EML4: variants seen among roughly 807,000 people sequenced by gnomAD.
EML4 encodes echinoderm microtubule-associated protein-like 4.
EML4 carries 72 observed loss-of-function variants against 129.0 expected under a neutral mutation model. That is an observed-to-expected ratio of 0.56 (90% CI 0.46 to 0.68). EML4 has a LOEUF of 0.68. Ranked by LOEUF, EML4 falls within the 30% of genes least tolerant of loss-of-function variation. The probability of loss-of-function intolerance (pLI) is 0.00; values close to 1 mark genes in which losing one functional copy is unlikely to be tolerated. For synonymous variants in EML4, 532 were observed against 405.0 expected (o/e 1.31, Z -3.77); for missense variants, 1,363 against 1,190.6 (o/e 1.14, Z -2.13).
intron 1 of EML4, 131 bp from the exon 2 acceptor site, chr2:42,245,374 G>C (rs564457348): frequency 2.5e-6 from 2 of 790,562 alleles, no homozygotes; most frequent in South Asian, 3.7e-5. Flanking sequence ...GGAAGTACAG[G>C]CACGAGCCAC....
At chr2:42,249,808 T>A (rs1381109605) in intron 2 of EML4, among the ~76,000 whole-genome samples, 3 of 152,210 alleles carry the variant, frequency 2.0e-5, no homozygotes. Flanking sequence ...CCCATGAGTT[T>A]TTAAGGTGGC....
chr2:42,176,852 G>T (rs1330175783), intron 1 of EML4, among the ~76,000 whole-genome samples: 1 of 152,026 alleles, frequency 6.6e-6, no homozygotes, highest in Non-Finnish European at 1.5e-5. Context: ...GGAGTGCAGT[G>T]GTATGATCTC....
chr2:42,199,909 A>G (rs1457263268), intron 1 of EML4, among the ~76,000 whole-genome samples: 1 of 152,120 alleles, frequency 6.6e-6, no homozygotes, highest in African/African-American at 2.4e-5. Context: ...TTTAAAGGAT[A>G]AGTATATGGG....
chr2:42,296,477 T>TTCTCTCTCTC (rs10689031), intron 13 of EML4, among the ~76,000 whole-genome samples: 1 of 148,920 alleles, frequency 6.7e-6, no homozygotes, highest in Non-Finnish European at 1.5e-5. Context: ...CACCTTATAC[T>TTCTCTCTCTC]TCTCTCTCTC....
At chr2:42,184,307 A>G (rs1243572401) in intron 1 of EML4, among the ~76,000 whole-genome samples, 5 of 151,980 alleles carry the variant, frequency 3.3e-5, no homozygotes, top group Non-Finnish European at 5.9e-5. Flanking sequence ...ATATGTATAC[A>G]TGTGCCATGT....
At chr2:42,175,277 C>G (rs1375987313) in intron 1 of EML4, among the ~76,000 whole-genome samples, 1 of 151,856 alleles carries the variant, frequency 6.6e-6, no homozygotes, top group Non-Finnish European at 1.5e-5. Context: ...CCACACCTGG[C>G]TAATTTTTTG....
chr2:42,312,283 C>T (rs1459320218), intron 17 of EML4, among the ~76,000 whole-genome samples: 1 of 152,032 alleles, frequency 6.6e-6, no homozygotes, highest in Non-Finnish European at 1.5e-5. Context: ...CACCATCGTC[C>T]CTGCCAGGGC....
chr2:42,207,129 T>C (rs1216919655), intron 1 of EML4, among the ~76,000 whole-genome samples: 1 of 152,218 alleles, frequency 6.6e-6, no homozygotes, highest in Non-Finnish European at 1.5e-5. Flanking sequence ...GATTATTGGT[T>C]ACATTCTAAA....
intron 11 of EML4, among the ~76,000 whole-genome samples, chr2:42,290,874 A>G (rs749448303): frequency 1.1e-4 from 17 of 152,248 alleles, no homozygotes; most frequent in Non-Finnish European, 2.2e-4. Context: ...ATATTGAGCT[A>G]TATATACATT....
intron 13 of EML4, among the ~76,000 whole-genome samples, chr2:42,297,798 G>C (rs919663331): frequency 1.3e-5 from 2 of 152,116 alleles, no homozygotes; most frequent in Non-Finnish European, 2.9e-5. Context: ...GAGATTTTTT[G>C]GATGGCAGAA....
At chr2:42,316,919 G>A (rs1462903052) in intron 18 of EML4, among the ~76,000 whole-genome samples, 1 of 152,136 alleles carries the variant, frequency 6.6e-6, no homozygotes, top group African/African-American at 2.4e-5. Flanking sequence ...GTTTTTTAGT[G>A]TTGTAGTAGC....
chr2:42,228,717 A>C (rs532187445), intron 1 of EML4, among the ~76,000 whole-genome samples: 1 of 152,108 alleles, frequency 6.6e-6, no homozygotes, highest in East Asian at 1.9e-4. Flanking sequence ...TGTGAGTTCT[A>C]CAATTTTCTG....
chr2:42,296,940 G>A (rs1264865715), intron 13 of EML4, among the ~76,000 whole-genome samples: 7 of 152,134 alleles, frequency 4.6e-5, no homozygotes, highest in East Asian at 1.9e-4. Flanking sequence ...CTATCTGTAC[G>A]AAATTAATGT....
chr2:42,297,078 G>A (rs1477446079), intron 13 of EML4, among the ~76,000 whole-genome samples: 1 of 152,084 alleles, frequency 6.6e-6, no homozygotes, highest in African/African-American at 2.4e-5. Flanking sequence ...TCAATCATTG[G>A]CCATATATTC....
intron 17 of EML4, among the ~76,000 whole-genome samples, chr2:42,314,915 C>T (rs1478388936): frequency 6.6e-6 from 1 of 152,144 alleles, no homozygotes; most frequent in Non-Finnish European, 1.5e-5. Context: ...GGATTTAAGT[C>T]GTTGTTTTAC....
chr2:42,224,567 T>A (rs1385708011), intron 1 of EML4, among the ~76,000 whole-genome samples: 1 of 152,108 alleles, frequency 6.6e-6, no homozygotes, highest in East Asian at 1.9e-4. Context: ...GGTGTATACT[T>A]TAGGAGTGGC....
intron 5 of EML4, among the ~76,000 whole-genome samples, chr2:42,264,111 T>G (rs1005351334): frequency 7.1e-6 from 1 of 141,572 alleles, no homozygotes; most frequent in African/African-American, 2.6e-5. Context: ...GTGTTTTTTT[T>G]TTTTTTTTTT....
At chr2:42,310,002 C>T (rs1668844076) in intron 17 of EML4, among the ~76,000 whole-genome samples, 1 of 152,140 alleles carries the variant, frequency 6.6e-6, no homozygotes, top group Non-Finnish European at 1.5e-5. Flanking sequence ...TTGAGTTAAT[C>T]TTCATATATA....
chr2:42,317,293 T>G, intron 18 of EML4, 134 bp from the exon 19 acceptor site: 1 of 598,020 alleles, frequency 1.7e-6, no homozygotes, highest in East Asian at 2.9e-5. Flanking sequence ...ATGTACTTAG[T>G]GGATAGGATT....
Sources: allele counts gnomAD v4.1 joint callset (sites outside exome capture counted in the v4.1 genomes callset), GRCh38; gene constraint gnomAD v4.1.1; transcripts MANE v1.5; gene names NCBI Gene and HGNC (gene_info 2026-07-23, HGNC 2026-07-21).